GCLC: variants seen among roughly 807,000 people sequenced by gnomAD.
GCLC encodes glutamate-cysteine ligase catalytic subunit, also known as glutamate--cysteine ligase catalytic subunit.
GCLC carries 30 observed loss-of-function variants against 81.5 expected under a neutral mutation model. That is an observed-to-expected ratio of 0.37 (90% CI 0.28 to 0.50). GCLC has a LOEUF of 0.50. Ranked by LOEUF, GCLC falls within the 20% of genes least tolerant of loss-of-function variation. GCLC has a pLI of 0.96. For missense variants in GCLC, 556 were observed against 777.4 expected (o/e 0.72, Z 3.39); for synonymous variants, 262 against 273.3 (o/e 0.96, Z 0.41).
At chr6:53,503,768 A>T (rs921883051) in intron 12 of GCLC, among the ~76,000 whole-genome samples, 2 of 152,118 alleles carry the variant, frequency 1.3e-5, no homozygotes, top group Admixed American at 6.6e-5. Context: ...TTTCCTATAT[A>T]AACTATTCTC....
rs761841362 is a variant in GCLC, at chr6:53,506,975, G to A, written c.1135C>T (p.Pro379Ser). Residue 379 changes from proline (P) to serine (S), a missense_variant, in exon 10 of 16, where the codon CCA becomes TCA. By Grantham distance (74) the Pro-to-Ser change is moderately conservative. Coordinates refer to ENST00000650454, the MANE Select transcript of GCLC (RefSeq NM_001498.4). The surrounding 1 kb of genome is among the most constrained non-coding windows in gnomAD (Gnocchi z 4.0). The stretch of plus-strand genomic sequence containing the variant: ...ATTTTCTCTTCAAACAGTGTCAGTG[G>A]GTCTCTAATAAAGAGATGAGCAACA... ...QHVAHLFIRD[P>S]LTLFEEKIHL... 2 of 1,611,982 alleles carry A rather than the reference G, an allele frequency of 1.2e-6. No homozygotes were observed. Among genetic ancestry groups the A allele is most frequent in the Non-Finnish European group, 1.7e-6 (2 of 1,178,144 alleles).
At position 53,515,479 on chromosome 6, in the gene GCLC, C is replaced by T. The variant is rs867210483; in HGVS notation, c.560+630G>A. Among the ~76,000 whole-genome samples the T allele has an allele frequency of 2.0e-5, 3 of 152,218 alleles. No individual in the cohort carries two copies. In the South Asian group the frequency reaches 6.2e-4, roughly 31 times the overall value. On this transcript the variant is annotated intron_variant, in intron 4 of 15. Coordinates refer to ENST00000650454, the MANE Select transcript of GCLC (RefSeq NM_001498.4). ...CCCAAAAGGCTCTGCACATAGCAAACGTGAGGGCCTGTTAAAGGAATGAAC... is the reference window on the plus strand; with the variant it reads ...CCCAAAAGGCTCTGCACATAGCAAATGTGAGGGCCTGTTAAAGGAATGAAC...
In GCLC at chr6:53,514,448, T is replaced by G; in HGVS notation, c.610A>C (p.Asn204His). Residue 204 changes from asparagine (N) to histidine (H), a missense_variant, in exon 5 of 16, where the codon AAT becomes CAT. By Grantham distance (68) the Asn-to-His change is moderately conservative. Transcript: ENST00000650454. ...RHRRGEKVVI[N>H]VPIFKDKNTP... The stretch of plus-strand genomic sequence containing the variant: ...CTCTCAGTAGACTTACTTGGTACAT[T>G]GATGACAACCTTTTCTCCTCTCCTA... The G allele has an allele frequency of 1.2e-6, 2 of 1,612,710 alleles. No homozygotes were observed. The highest frequency in any genetic ancestry group is 1.7e-6 in the Non-Finnish European group (2 of 1,178,682).
At chr6:53,509,344 G>C (rs1764688639) in intron 6 of GCLC, 94 bp from the exon 7 acceptor site, 3 of 793,174 alleles carry the variant, frequency 3.8e-6, no homozygotes, top group Admixed American at 1.8e-5. Context: ...GGCAGAGAGG[G>C]GCAAGTTAAC....
At chr6:53,519,503 T>C (rs1376902836) in intron 3 of GCLC, among the ~76,000 whole-genome samples, 1 of 140,014 alleles carries the variant, frequency 7.1e-6, no homozygotes, top group Non-Finnish European at 1.5e-5. Context: ...ACAGCCCCAC[T>C]TTGACGCTTA....
At chr6:53,521,953 G>A (rs1172977107) in intron 2 of GCLC, among the ~76,000 whole-genome samples, 6 of 152,110 alleles carry the variant, frequency 3.9e-5, no homozygotes, top group Admixed American at 2.0e-4. Flanking sequence ...CAGCCCGGAC[G>A]ACAGAGTGAG....
At chr6:53,512,304 T>C (rs935753658) in intron 6 of GCLC, among the ~76,000 whole-genome samples, 1 of 152,156 alleles carries the variant, frequency 6.6e-6, no homozygotes, top group Non-Finnish European at 1.5e-5. Flanking sequence ...ATAATTTGAA[T>C]GTGGTTAAAA....
chr6:53,498,811 C>G lies in GCLC; in HGVS notation c.1859G>C (p.Gly620Ala). ...NELCECPELL[G>A]SAFRKVKYSG... Reference sequence around the variant, plus strand: ...ATATTTTACTTTCCTAAATGCTGATCCAAGTAACTCTGGGCATTCACATAA... The same window carrying G: ...ATATTTTACTTTCCTAAATGCTGATGCAAGTAACTCTGGGCATTCACATAA... Residue 620 changes from glycine (G) to alanine (A), a missense_variant, in exon 16 of 16, where the codon GGA (glycine) becomes GCA (alanine). Gly to Ala is a moderately conservative substitution (Grantham distance 60, BLOSUM62 0). Around this residue, in one of 3 missense-constraint regions of GCLC, gnomAD observed 313 missense variants for 437.3 expected, o/e 0.72. Coordinates refer to ENST00000650454, the MANE Select transcript of GCLC (RefSeq NM_001498.4). 1 of 1,613,560 alleles carries G rather than the reference C, an allele frequency of 6.2e-7. No individual in the cohort carries two copies. The highest frequency in any genetic ancestry group is 8.5e-7 in the Non-Finnish European group (1 of 1,179,524).
chr6:53,543,197 A>T (rs185120433), intron 1 of GCLC, among the ~76,000 whole-genome samples: 73 of 152,316 alleles, frequency 4.8e-4, no homozygotes, highest in African/African-American at 1.6e-3. Context: ...GTCCCTGCCC[A>T]ATTTCGTCTT....
chr6:53,522,593 A>T, intron 1 of GCLC, 66 bp from the exon 2 acceptor site: 1 of 964,766 alleles, frequency 1.0e-6, no homozygotes, highest in South Asian at 1.3e-5. Flanking sequence ...GGCCTCCAGA[A>T]GAAAAAGGCA....
intron 1 of GCLC, among the ~76,000 whole-genome samples, chr6:53,532,100 G>T (rs626590): frequency 0.02 from 2,984 of 152,282 alleles, 94 homozygotes; most frequent in African/African-American, 0.067. Context: ...ACATATACGT[G>T]AGTGGAAATC....
intron 6 of GCLC, 148 bp downstream of exon 6, chr6:53,514,056 T>C: frequency 1.5e-6 from 1 of 676,220 alleles, no homozygotes; most frequent in Non-Finnish European, 2.5e-6. Flanking sequence ...TTTACTAATA[T>C]AACTTCATGT....
chr6:53,512,571 T>C (rs957342015), intron 6 of GCLC, among the ~76,000 whole-genome samples: 4 of 152,164 alleles, frequency 2.6e-5, no homozygotes, highest in African/African-American at 4.8e-5. Flanking sequence ...CGGTGGTGAA[T>C]TGGCAAAATT....
rs1284647174 is a variant in GCLC at position 53,506,624 on chromosome 6, C to T, written c.1197+289G>A. Among the ~76,000 whole-genome samples the T allele has an allele frequency of 6.6e-6, 1 of 151,570 alleles. No individual in the cohort carries two copies. The highest frequency in any genetic ancestry group is 1.9e-4 in the East Asian group (1 of 5,198). ...TTGTGCAGTGTATGTTTGAATTTTTCACCACTAGGCAAATAAGAAAATACT... is the reference window on the plus strand; with the variant it reads ...TTGTGCAGTGTATGTTTGAATTTTTTACCACTAGGCAAATAAGAAAATACT... On this transcript the variant is annotated intron_variant, in intron 10 of 15. Transcript: ENST00000650454. This position sits in a 1 kb window ranked among gnomAD's most constrained non-coding sequence, Gnocchi z 4.0.
In GCLC at chr6:53,505,381, C is replaced by T. The variant is rs1297494131; in HGVS notation, c.1395+11G>A. 2 of 1,230,010 alleles carry T rather than the reference C, an allele frequency of 1.6e-6. No individual in the cohort carries two copies. Among genetic ancestry groups the T allele is most frequent in the Non-Finnish European group, 2.4e-6 (2 of 830,292 alleles). The allele number at this position is 1,230,010 out of a possible 1,614,324, so 76.2% of individuals were successfully genotyped here. A position where few individuals can be genotyped will look rare whatever the true frequency, so the allele number is the denominator to read the frequency against. ...ATCTATACCCATCACCATAAAGAAACATATCCTTACCTTTGACAGTGGAAT... is the reference window on the plus strand; with the variant it reads ...ATCTATACCCATCACCATAAAGAAATATATCCTTACCTTTGACAGTGGAAT... On this transcript the variant is annotated intron_variant, in intron 12 of 15. Coordinates refer to ENST00000650454, the MANE Select transcript of GCLC (RefSeq NM_001498.4).
rs913611013 is a variant in GCLC at position 53,500,115 on chromosome 6, G to C, written c.1632C>G (p.Asn544Lys). Residue 544 changes from asparagine to lysine, a missense_variant, in exon 15 of 16, where the codon AAC becomes AAG. Asn to Lys is a moderately conservative substitution (Grantham distance 94). This residue lies in a region of GCLC where 313 missense variants were observed against 437.3 expected (regional missense o/e 0.72). Coordinates refer to ENST00000650454, the MANE Select transcript of GCLC (RefSeq NM_001498.4). ...ATCTGGTGTCCACATCCACTTCCAT[G>C]TTTTCAAGGTAAGAGTTCAGAATTG... ...LIPILNSYLE[N>K]MEVDVDTRCS... is the part of the protein sequence containing the mutation. The C allele has an allele frequency of 6.2e-7, 1 of 1,612,176 alleles. No homozygotes were observed.
intron 8 of GCLC, among the ~76,000 whole-genome samples, 167 bp from the exon 9 acceptor site, chr6:53,507,785 A>G (rs12524980): frequency 0.014 from 2,163 of 152,270 alleles, 24 homozygotes; most frequent in Middle Eastern, 0.085. Context: ...TCTGAAGGCA[A>G]TTTAAATACC....
At chr6:53,514,163 TG>T in intron 6 of GCLC, 40 bp downstream of exon 6, 1 of 1,604,092 alleles carries the variant, frequency 6.2e-7, no homozygotes, top group African/African-American at 1.3e-5. Context: ...AAAACAGAAA[TG>T]GATGGAACAC....
In GCLC at chr6:53,543,086, G is replaced by C. The variant is rs527541879; in HGVS notation, c.150+1410C>G. 3.3e-5 allele frequency among the ~76,000 whole-genome samples: 5 copies of C among 152,298 alleles called. No homozygotes were observed. The South Asian group carries it at 1.0e-3, about 32-fold the overall frequency. On this transcript the variant is annotated intron_variant, in intron 1 of 15. Transcript: ENST00000650454. Reference sequence around the variant, plus strand: ...ACTAGTTACCATACAGTGGGAACTTGAAATAGTAGTTCATTCACTCATTCA... The same window carrying C: ...ACTAGTTACCATACAGTGGGAACTTCAAATAGTAGTTCATTCACTCATTCA...
Sources: allele counts gnomAD v4.1 joint callset (sites outside exome capture counted in the v4.1 genomes callset), GRCh38; gene constraint gnomAD v4.1.1; regional missense constraint gnomAD v4.1.1; non-coding constraint Gnocchi (gnomAD v3.1); transcripts MANE v1.5; gene names NCBI Gene and HGNC (gene_info 2026-07-23, HGNC 2026-07-21).